SUPV3L1: variants seen among roughly 807,000 people sequenced by gnomAD.
SUPV3L1 encodes the protein ATP-dependent RNA helicase SUPV3L1, mitochondrial.
In SUPV3L1, 35 loss-of-function variants were observed where a neutral mutation model predicts 70.0. That is an observed-to-expected ratio of 0.50 (90% CI 0.38 to 0.66). SUPV3L1 has a LOEUF of 0.66. Among genes scored for constraint, SUPV3L1 ranks in the 30% least tolerant of loss-of-function variants. SUPV3L1 has a pLI of 0.00. For synonymous variants in SUPV3L1, 364 were observed against 341.9 expected, an observed-to-expected ratio of 1.06 and a Z score of -0.71; for missense variants, 777 against 961.5, an observed-to-expected ratio of 0.81 and a Z score of 2.54.
chr10:69,180,662 C>A, intron 1 of SUPV3L1, 100 bp downstream of exon 1: 1 of 1,493,086 alleles, frequency 6.7e-7, no homozygotes, highest in Non-Finnish European at 9.0e-7. Flanking sequence ...ATCCGAGGTC[C>A]CATCGAGTGT....
rs937577045 is a variant in SUPV3L1 at position 69,208,634 on chromosome 10, C to G, written c.1960C>G (p.Leu654Val). ...RFMDMFPDASLIRDLQKELDG... is the reference protein window; with the variant it reads ...RFMDMFPDASVIRDLQKELDG... ...TATGGATATGTTTCCAGATGCCAGCCTTATTCGAGATCTCCAGAAAGAACT... is the reference window on the plus strand; with the variant it reads ...TATGGATATGTTTCCAGATGCCAGCGTTATTCGAGATCTCCAGAAAGAACT... The change falls in exon 15 of 15, where the codon CTT becomes GTT. Residue 654 changes from leucine to valine, a missense_variant. Transcript: ENST00000359655. 2.5e-6 allele frequency: 4 copies of G among 1,613,414 alleles called. No individual in the cohort carries two copies. The highest frequency in any genetic ancestry group is 2.2e-5 in the South Asian group (2 of 91,068).
intron 2 of SUPV3L1, 116 bp downstream of exon 2, chr10:69,186,180 C>A: frequency 1.1e-6 from 1 of 943,534 alleles, no homozygotes; most frequent in Non-Finnish European, 1.6e-6. Flanking sequence ...CACGTCCCTG[C>A]TCTTTGCTTC....
chr10:69,199,735 C>T (rs1027468393), intron 10 of SUPV3L1, among the ~76,000 whole-genome samples: 1 of 152,110 alleles, frequency 6.6e-6, no homozygotes, highest in Admixed American at 6.6e-5. Context: ...TATTGTACTA[C>T]GTCACTTTAC....
intron 7 of SUPV3L1, among the ~76,000 whole-genome samples, chr10:69,195,938 A>C (rs191088741): frequency 1.9e-3 from 282 of 152,072 alleles, no homozygotes; most frequent in African/African-American, 6.3e-3. Flanking sequence ...GTAAAGACAG[A>C]GTCTCCCTAT....
intron 7 of SUPV3L1, 81 bp from the exon 8 acceptor site, chr10:69,196,911 G>A (rs1842556964): frequency 5.7e-6 from 7 of 1,226,502 alleles, no homozygotes; most frequent in Middle Eastern, 2.1e-4. Context: ...GTAAGCCAAC[G>A]TAAAGTACTT....
At position 69,189,378 on chromosome 10, in the gene SUPV3L1, G is replaced by A; in HGVS notation, c.684G>A (p.Val228=). 1 of 1,613,752 alleles carries A rather than the reference G, an allele frequency of 6.2e-7. No homozygotes were observed. ...IQKYFSAKSG[V]YCGPLKLLAH... ...AATACTTCTCAGCAAAGTCTGGAGT[G>A]TATTGTGGCCCTCTAAAATTACTGG... Residue 228 remains valine (V), a synonymous_variant, in exon 5 of 15, where the codon GTG becomes GTA. Transcript: ENST00000359655.
chr10:69,206,900 A>C (rs1367182296), intron 13 of SUPV3L1, among the ~76,000 whole-genome samples: 1 of 152,058 alleles, frequency 6.6e-6, no homozygotes, highest in Non-Finnish European at 1.5e-5. Flanking sequence ...CCAGCTACTC[A>C]GGAGGTTGAG....
At chr10:69,183,696 AAGAT>A (rs1390438395) in intron 1 of SUPV3L1, among the ~76,000 whole-genome samples, 1 of 152,142 alleles carries the variant, frequency 6.6e-6, no homozygotes. Context: ...TAAAAAAAGA[AAGAT>A]ACAATTTTAA....
At position 69,198,533 on chromosome 10, in the gene SUPV3L1, A is replaced by G. The variant is rs1842602516; in HGVS notation, c.1185A>G (p.Ile395Met). ...TTCGGGGATTAGAATCAGCTGTTAT[A>G]TATGGCAGTCTCCCACCTGGTAATT... Reference protein sequence around the residue: ...IEIRGLESAVIYGSLPPGTKL... With the variant: ...IEIRGLESAVMYGSLPPGTKL... The change falls in exon 9 of 15, where the codon ATA (isoleucine) becomes ATG (methionine). Residue 395 changes from isoleucine to methionine, a missense_variant. By Grantham distance (10) the Ile-to-Met change is conservative (BLOSUM62 1). Transcript: ENST00000359655. 1.9e-6 allele frequency: 3 copies of G among 1,613,948 alleles called. No homozygotes were observed. The highest frequency in any genetic ancestry group is 2.5e-6 in the Non-Finnish European group (3 of 1,179,966).
intron 5 of SUPV3L1, 111 bp downstream of exon 5, chr10:69,189,546 A>G: frequency 2.6e-6 from 3 of 1,152,022 alleles, no homozygotes; most frequent in Non-Finnish European, 3.5e-6. Context: ...ACCATATTTC[A>G]TTGTGTCTAA....
chr10:69,197,611 C>G (rs988959858), intron 8 of SUPV3L1, among the ~76,000 whole-genome samples: 1 of 151,870 alleles, frequency 6.6e-6, no homozygotes, highest in African/African-American at 2.4e-5. Flanking sequence ...ACTCTGTTAC[C>G]CAGGCTGGAG....
chr10:69,189,132 A>C, intron 4 of SUPV3L1, 135 bp from the exon 5 acceptor site: 1 of 896,472 alleles, frequency 1.1e-6, no homozygotes, highest in South Asian at 2.6e-5. Context: ...TATGAAACCC[A>C]TTGTTTAGTT....
intron 1 of SUPV3L1, among the ~76,000 whole-genome samples, chr10:69,183,247 C>T (rs1308845374): frequency 6.6e-6 from 1 of 152,200 alleles, no homozygotes; most frequent in African/African-American, 2.4e-5. Context: ...TCATTTCCCT[C>T]ATTCTCCACT....
chr10:69,194,081 T>G (rs1239841044), intron 6 of SUPV3L1, among the ~76,000 whole-genome samples: 1 of 152,196 alleles, frequency 6.6e-6, no homozygotes, highest in Non-Finnish European at 1.5e-5. Flanking sequence ...GGAACTTGCC[T>G]TCTTCTTTTA....
rs752945653 is a variant in SUPV3L1, at chr10:69,208,825, G to A, written c.2151G>A (p.Gly717=). 5.6e-6 allele frequency: 9 copies of A among 1,614,066 alleles called. No homozygotes were observed. The highest frequency in any genetic ancestry group is 1.6e-4 in the Middle Eastern group (1 of 6,084). ...ARRTRGTKAL[G]SKATEPPSPD... ...GGACACGCGGCACCAAAGCTCTAGG[G>A]AGTAAAGCTACTGAGCCACCCAGCC... The change falls in exon 15 of 15, where the codon GGG becomes GGA. Residue 717 remains glycine, a synonymous_variant. Transcript: ENST00000359655.
In SUPV3L1 at chr10:69,180,379, C is replaced by G; in HGVS notation, c.88C>G (p.Pro30Ala). ...HRAAICSALR[P>A]HFGPFPGVLG... ...GGCAGCCATCTGCTCTGCCCTTCGT[C>G]CCCACTTTGGGCCCTTTCCCGGGGT... Residue 30 changes from proline (P) to alanine (A), a missense_variant, in exon 1 of 15, where the codon CCC becomes GCC. Coordinates refer to ENST00000359655, the MANE Select transcript of SUPV3L1 (RefSeq NM_003171.5). 1 of 1,614,258 alleles carries G rather than the reference C, an allele frequency of 6.2e-7. No individual in the cohort carries two copies. Among genetic ancestry groups the G allele is most frequent in the Non-Finnish European group, 8.5e-7 (1 of 1,180,036 alleles).
chr10:69,198,958 A>G, intron 9 of SUPV3L1, 146 bp from the exon 10 acceptor site: 1 of 626,734 alleles, frequency 1.6e-6, no homozygotes, highest in Non-Finnish European at 2.7e-6. Context: ...TGGCTCTTTG[A>G]GGATATAAAG....
At chr10:69,188,561 C>G (rs1014776439) in intron 4 of SUPV3L1, among the ~76,000 whole-genome samples, 1 of 152,056 alleles carries the variant, frequency 6.6e-6, no homozygotes, top group Non-Finnish European at 1.5e-5. Flanking sequence ...TGCAGTGGTG[C>G]GTTCTCGGCT....
In SUPV3L1 at chr10:69,200,449, G is replaced by A. The variant is rs1842656213; in HGVS notation, c.1468G>A (p.Asp490Asn). ...EGEVTTMNHE[D>N]LSLLKEILKR... is the part of the protein sequence containing the mutation. ...AGAGGTTACAACAATGAATCATGAA[G>A]ATCTCAGTTTATTAAAGGAAATTTT... The change falls in exon 11 of 15, where the codon GAT (aspartate) becomes AAT (asparagine). Residue 490 changes from aspartate (D) to asparagine (N), a missense_variant. Asp to Asn is a conservative substitution (Grantham distance 23). Transcript: ENST00000359655. 6.2e-7 allele frequency: 1 copy of A among 1,614,070 alleles called. No individual in the cohort carries two copies. Among genetic ancestry groups the A allele is most frequent in the Non-Finnish European group, 8.5e-7 (1 of 1,180,020 alleles).
Sources: allele counts gnomAD v4.1 joint callset (sites outside exome capture counted in the v4.1 genomes callset), GRCh38; gene constraint gnomAD v4.1.1; transcripts MANE v1.5; gene names NCBI Gene and HGNC (gene_info 2026-07-23, HGNC 2026-07-21).